Variants in CA10 observed in about 807,000 individuals in gnomAD.
CA10 encodes the protein carbonic anhydrase 10 (inactive), also known as carbonic anhydrase-related protein 10.
Under a neutral mutation model 44.2 loss-of-function variants are expected in CA10, and 14 were observed. The ratio of observed to expected loss-of-function variants is 0.32; its 90% CI spans 0.21 to 0.50. The LOEUF (loss-of-function observed/expected upper bound fraction) is 0.50. Ranked by LOEUF, CA10 falls within the 20% of genes least tolerant of loss-of-function variation. The pLI is 0.99. For synonymous variants in CA10, 159 were observed against 141.6 expected (o/e 1.12, Z -0.87); for missense variants, 350 against 409.7 (o/e 0.85, Z 1.26).
chr17:51,999,877 C>T (rs945299783), intron 2 of CA10, among the ~76,000 whole-genome samples: 1 of 151,978 alleles, frequency 6.6e-6, no homozygotes, highest in Non-Finnish European at 1.5e-5. Context: ...TGCGTAACAT[C>T]CAATCCTTGG....
intron 3 of CA10, among the ~76,000 whole-genome samples, chr17:51,753,622 C>T (rs1051194504): frequency 3.3e-5 from 5 of 152,106 alleles, no homozygotes; most frequent in Admixed American, 6.5e-5. Flanking sequence ...CAATTTCTCC[C>T]TCACCAAACC....
chr17:52,002,420 G>T (rs549635845), intron 2 of CA10, among the ~76,000 whole-genome samples: 1 of 151,852 alleles, frequency 6.6e-6, no homozygotes, highest in South Asian at 2.1e-4. Flanking sequence ...ACATACAGGA[G>T]GTGCTACTGC....
intron 3 of CA10, among the ~76,000 whole-genome samples, chr17:51,757,644 A>G (rs1353146165): frequency 6.6e-6 from 1 of 152,250 alleles, no homozygotes; most frequent in Non-Finnish European, 1.5e-5. Flanking sequence ...AAGTGTGTGT[A>G]TACACAACTA....
chr17:51,653,964 A>G (rs962933225), intron 4 of CA10, among the ~76,000 whole-genome samples: 1 of 152,232 alleles, frequency 6.6e-6, no homozygotes, highest in Non-Finnish European at 1.5e-5. Flanking sequence ...TCTGGTAACA[A>G]GCATGCTTTT....
chr17:51,861,452 G>T (rs1304360788), intron 3 of CA10, among the ~76,000 whole-genome samples: 2 of 151,652 alleles, frequency 1.3e-5, no homozygotes, highest in African/African-American at 4.8e-5. Flanking sequence ...ATTAGGAAAA[G>T]CTTTACCTGT....
chr17:52,057,862 A>G (rs931702483), intron 2 of CA10, among the ~76,000 whole-genome samples: 1 of 152,024 alleles, frequency 6.6e-6, no homozygotes, highest in African/African-American at 2.4e-5. Context: ...AACACTCCCT[A>G]TGTTCCTTCC....
At chr17:52,139,658 G>A (rs1329360548) in intron 1 of CA10, among the ~76,000 whole-genome samples, 1 of 151,990 alleles carries the variant, frequency 6.6e-6, no homozygotes, top group East Asian at 1.9e-4. Flanking sequence ...GATTGAATAA[G>A]TATGTGATAT....
At chr17:52,035,590 G>T (rs114337552) in intron 2 of CA10, among the ~76,000 whole-genome samples, 1,603 of 152,332 alleles carry the variant, frequency 0.011, 29 homozygotes, top group African/African-American at 0.037. Flanking sequence ...TAACATTTAA[G>T]CCATCCACAG....
At chr17:51,892,007 T>C (rs1008678049) in intron 3 of CA10, among the ~76,000 whole-genome samples, 4 of 152,246 alleles carry the variant, frequency 2.6e-5, no homozygotes, top group African/African-American at 9.6e-5. Context: ...AAAAGGTAAC[T>C]ATGAGTCCCT....
intron 4 of CA10, among the ~76,000 whole-genome samples, chr17:51,675,620 G>T (rs1914600838): frequency 6.6e-6 from 1 of 151,614 alleles, no homozygotes; most frequent in African/African-American, 2.4e-5. Flanking sequence ...GGAGACTGAG[G>T]CAGGAGAATT....
At chr17:51,886,438 T>C (rs1980604445) in intron 3 of CA10, among the ~76,000 whole-genome samples, 1 of 152,222 alleles carries the variant, frequency 6.6e-6, no homozygotes, top group Non-Finnish European at 1.5e-5. Context: ...TCATCTAAGA[T>C]GCCCTGGAAT....
intron 3 of CA10, among the ~76,000 whole-genome samples, chr17:51,861,468 A>G (rs11654327): frequency 0.088 from 13,399 of 151,580 alleles, 668 homozygotes; most frequent in African/African-American, 0.14. Context: ...CCTGTGAAAA[A>G]CCCCTTTCCC....
chr17:51,693,185 A>C (rs964320041), intron 4 of CA10, among the ~76,000 whole-genome samples: 5 of 152,274 alleles, frequency 3.3e-5, no homozygotes, highest in African/African-American at 1.2e-4. Context: ...GACTGGTTTC[A>C]TTCAGCTTTG....
intron 4 of CA10, among the ~76,000 whole-genome samples, chr17:51,743,839 G>A (rs1280388257): frequency 6.6e-6 from 1 of 152,210 alleles, no homozygotes; most frequent in Non-Finnish European, 1.5e-5. Context: ...GGCTTTGAAG[G>A]TAGCACAAAA....
At chr17:51,983,403 A>G (rs1984719344) in intron 2 of CA10, among the ~76,000 whole-genome samples, 1 of 151,822 alleles carries the variant, frequency 6.6e-6, no homozygotes, top group South Asian at 2.1e-4. Flanking sequence ...TTCCAGTATG[A>G]TATGCAATAT....
chr17:51,982,814 T>G (rs1984696139), intron 2 of CA10, among the ~76,000 whole-genome samples: 1 of 151,918 alleles, frequency 6.6e-6, no homozygotes, highest in Non-Finnish European at 1.5e-5. Context: ...GCAGGTATTT[T>G]GTAATATTAA....
chr17:51,932,164 G>A (rs1196867423), intron 2 of CA10, among the ~76,000 whole-genome samples: 2 of 152,060 alleles, frequency 1.3e-5, no homozygotes, highest in Admixed American at 6.6e-5. Flanking sequence ...TCACTAGTGT[G>A]AGGTCGAGTA....
intron 1 of CA10, among the ~76,000 whole-genome samples, chr17:52,150,129 T>C (rs28403955): frequency 7.9e-4 from 121 of 152,284 alleles, no homozygotes; most frequent in African/African-American, 2.7e-3. Flanking sequence ...CTAATCTCCC[T>C]TCCTTTGCAA....
At chr17:52,140,944 G>T (rs1006303767) in intron 1 of CA10, among the ~76,000 whole-genome samples, 5 of 152,202 alleles carry the variant, frequency 3.3e-5, no homozygotes, top group African/African-American at 1.2e-4. Flanking sequence ...AGTCTGGCCT[G>T]TCTCAATCAT....
Sources: allele counts gnomAD v4.1 joint callset (sites outside exome capture counted in the v4.1 genomes callset), GRCh38; gene constraint gnomAD v4.1.1; transcripts MANE v1.5; gene names NCBI Gene and HGNC (gene_info 2026-07-23, HGNC 2026-07-21).